The following PTPRT variants were observed in gnomAD, a reference collection of about 807,000 sequenced individuals.
PTPRT encodes the protein protein tyrosine phosphatase receptor type T.
A neutral mutation model predicts 176.8 loss-of-function variants in PTPRT; 56 were observed. The observed-to-expected ratio is 0.32, with a 90% confidence interval of 0.26 to 0.40. The LOEUF is 0.40. PTPRT is among the 10% of genes least tolerant of loss of function. PTPRT has a pLI of 1.00. For synonymous variants in PTPRT, 783 were observed against 739.0 expected (o/e 1.06, Z -0.96); for missense variants, 1,540 against 1,908.2 (o/e 0.81, Z 3.60).
intron 1 of PTPRT, among the ~76,000 whole-genome samples, chr20:42,924,805 T>A (rs1173894333): frequency 1.3e-5 from 2 of 152,206 alleles, no homozygotes; most frequent in African/African-American, 4.8e-5. Context: ...CACAAATCTG[T>A]GTACTTAGGG....
rs115634536 is a variant in PTPRT at position 42,287,244 on chromosome 20, C to T, written c.2140-4719G>A. Among the ~76,000 whole-genome samples, 484 of 151,804 alleles carry T rather than the reference C, an allele frequency of 3.2e-3. 7 individuals carry two copies. The highest frequency in any genetic ancestry group is 0.01 in the African/African-American group (424 of 41,462). On this transcript the variant is annotated intron_variant, in intron 12 of 30. Transcript: ENST00000373187. Reference sequence around the variant, plus strand: ...GCAATCTTACTACTGGGCATTTATCCAAAGGAAGATAAATCAATATATTGA... The same window carrying T: ...GCAATCTTACTACTGGGCATTTATCTAAAGGAAGATAAATCAATATATTGA...
intron 6 of PTPRT, among the ~76,000 whole-genome samples, chr20:42,699,765 C>T (rs905757700): frequency 1.3e-5 from 2 of 152,172 alleles, no homozygotes; most frequent in African/African-American, 4.8e-5. Flanking sequence ...ATCATGCTTG[C>T]ACTCCTCACT....
intron 1 of PTPRT, among the ~76,000 whole-genome samples, chr20:43,046,842 A>C (rs1986858777): frequency 6.6e-6 from 1 of 152,342 alleles, no homozygotes; most frequent in East Asian, 1.9e-4. Flanking sequence ...CAGTGAGACA[A>C]GGATAATGGG....
intron 15 of PTPRT, among the ~76,000 whole-genome samples, chr20:42,206,425 G>A (rs1178189045): frequency 3.9e-5 from 6 of 152,342 alleles, no homozygotes; most frequent in African/African-American, 7.2e-5. Context: ...GTGGGTGCGC[G>A]CACCATGCGC....
At chr20:42,474,867 G>T (rs371853013) in intron 7 of PTPRT, among the ~76,000 whole-genome samples, 2 of 152,040 alleles carry the variant, frequency 1.3e-5, no homozygotes, top group African/African-American at 4.8e-5. Flanking sequence ...CCTGCTCAGG[G>T]CCTCTTCGAC....
At position 42,213,540 on chromosome 20, in the gene PTPRT, C is replaced by T. The variant is rs564201576; in HGVS notation, c.2343-14152G>A. On this transcript the variant is annotated intron_variant, in intron 15 of 30. Coordinates refer to ENST00000373187, the MANE Select transcript of PTPRT (RefSeq NM_007050.6). ...TGAAGTCCTAATCCATAGTACCTGT[C>T]AATGTTACCTTATTTGGAAATAGGG... 2.6e-5 allele frequency among the ~76,000 whole-genome samples: 4 copies of T among 152,298 alleles called. No individual in the cohort carries two copies. In the South Asian group the frequency reaches 8.3e-4, roughly 32 times the overall value.
At chr20:42,208,693 T>C (rs2055537349) in intron 15 of PTPRT, among the ~76,000 whole-genome samples, 1 of 152,052 alleles carries the variant, frequency 6.6e-6, no homozygotes, top group Non-Finnish European at 1.5e-5. Context: ...ACATTAATAA[T>C]GGGAGACTTT....
intron 7 of PTPRT, among the ~76,000 whole-genome samples, chr20:42,474,267 C>T (rs2071248856): frequency 6.6e-6 from 1 of 152,140 alleles, no homozygotes; most frequent in Non-Finnish European, 1.5e-5. Flanking sequence ...AAGGGTAAGG[C>T]TACCTCTGCA....
intron 2 of PTPRT, among the ~76,000 whole-genome samples, chr20:42,792,803 A>G (rs1056313305): frequency 1.3e-5 from 2 of 152,222 alleles, no homozygotes; most frequent in Non-Finnish European, 2.9e-5. Flanking sequence ...TGGGAAACCC[A>G]TAACTTCTTG....
At chr20:42,845,379 T>C (rs937072490) in intron 2 of PTPRT, among the ~76,000 whole-genome samples, 1 of 152,202 alleles carries the variant, frequency 6.6e-6, no homozygotes, top group African/African-American at 2.4e-5. Context: ...TATATGCAGG[T>C]TTATGATTTT....
At chr20:42,287,126 AT>A (rs2147073440) in intron 12 of PTPRT, among the ~76,000 whole-genome samples, 1 of 152,082 alleles carries the variant, frequency 6.6e-6, no homozygotes, top group East Asian at 1.9e-4. Context: ...ACTCTTATAC[AT>A]TGTTGATGGG....
At chr20:42,504,476 A>G (rs1324224500) in intron 7 of PTPRT, among the ~76,000 whole-genome samples, 1 of 152,192 alleles carries the variant, frequency 6.6e-6, no homozygotes, top group East Asian at 1.9e-4. Context: ...CAAACATTTT[A>G]TAACTGAAAA....
At chr20:43,108,449 A>G (rs2012711820) in intron 1 of PTPRT, among the ~76,000 whole-genome samples, 1 of 152,186 alleles carries the variant, frequency 6.6e-6, no homozygotes. Flanking sequence ...GGAAGTGCCC[A>G]GCTGAGTCCA....
At chr20:42,706,077 T>C (rs2146180863) in intron 6 of PTPRT, among the ~76,000 whole-genome samples, 1 of 152,084 alleles carries the variant, frequency 6.6e-6, no homozygotes, top group Middle Eastern at 3.4e-3. Flanking sequence ...CTAGATGCAC[T>C]CTTAGGAGAT....
intron 13 of PTPRT, among the ~76,000 whole-genome samples, chr20:42,277,530 G>A (rs1479845525): frequency 6.6e-6 from 1 of 152,166 alleles, no homozygotes; most frequent in Non-Finnish European, 1.5e-5. Flanking sequence ...GCAGGTCAGA[G>A]GAAGCAAATT....
chr20:43,101,187 C>T (rs1242385758), intron 1 of PTPRT, among the ~76,000 whole-genome samples: 1 of 152,098 alleles, frequency 6.6e-6, no homozygotes, highest in African/African-American at 2.4e-5. Context: ...GTGCTCCGAA[C>T]CTCAGTTTTC....
At chr20:42,841,214 A>G (rs973556979) in intron 2 of PTPRT, among the ~76,000 whole-genome samples, 4 of 152,218 alleles carry the variant, frequency 2.6e-5, no homozygotes, top group Non-Finnish European at 5.9e-5. Flanking sequence ...CTCACCAGGA[A>G]CAAGGCCCAC....
At position 42,077,750 on chromosome 20, in the gene PTPRT, T is replaced by G. The variant is rs73119823; in HGVS notation, c.*3129A>C. ...AGAGAATGGTTGGGTTGTGGGAAAA[T>G]AAGGGGATGAGCTGGGGGAAATCAT... On this transcript the variant is annotated 3_prime_UTR_variant, in exon 31 of 31. Coordinates refer to ENST00000373187, the MANE Select transcript of PTPRT (RefSeq NM_007050.6). The G allele has an allele frequency of 0.043, 8,153 of 191,794 alleles. 248 individuals carry two copies. The highest frequency in any genetic ancestry group is 0.061 in the Middle Eastern group (36 of 590). The allele number at this position is 191,794 out of a possible 1,614,324, so 11.9% of individuals were successfully genotyped here. A position where few individuals can be genotyped will look rare whatever the true frequency, so the allele number is the denominator to read the frequency against.
At chr20:42,182,093 GA>G (rs1256315014) in intron 16 of PTPRT, among the ~76,000 whole-genome samples, 1 of 152,172 alleles carries the variant, frequency 6.6e-6, no homozygotes, top group Admixed American at 6.5e-5. Flanking sequence ...CAAAGAATAG[GA>G]AGGAGGTCAA....
Sources: gnomAD v4.1 joint callset for allele counts (sites outside exome capture counted in the v4.1 genomes callset) on GRCh38, gnomAD v4.1.1 for gene constraint, MANE v1.5 for transcripts, NCBI Gene and HGNC (gene_info 2026-07-23, HGNC 2026-07-21) for gene names.